LRRC4C: variants seen among roughly 807,000 people sequenced by gnomAD.
LRRC4C encodes leucine rich repeat containing 4C.
A neutral mutation model predicts 33.6 loss-of-function variants in LRRC4C; 5 were observed. The observed-to-expected ratio is 0.15, with a 90% CI of 0.08 to 0.31. The LOEUF (loss-of-function observed/expected upper bound fraction) is 0.31. Ranked by LOEUF, LRRC4C falls within the 10% of genes least tolerant of loss-of-function variation. The pLI is 1.00. For synonymous variants in LRRC4C, 329 were observed against 302.0 expected, an observed-to-expected ratio of 1.09 and a Z score of -0.93; for missense variants, 560 against 796.7, an observed-to-expected ratio of 0.70 and a Z score of 3.58.
intron 4 of LRRC4C, among the ~76,000 whole-genome samples, chr11:40,284,874 G>A (rs1042539567): frequency 1.3e-5 from 2 of 152,080 alleles, no homozygotes; most frequent in Non-Finnish European, 2.9e-5. Flanking sequence ...AGTTATAGAT[G>A]GAGTATTAAG....
rs543402689 is a variant in LRRC4C at position 40,221,554 on chromosome 11, C to T, written c.-96+19965G>A. 4.1e-4 allele frequency among the ~76,000 whole-genome samples: 63 copies of T among 152,178 alleles called. No individual in the cohort carries two copies. The Middle Eastern group carries it at 0.01, about 25-fold the overall frequency. On this transcript the variant is annotated intron_variant, in intron 5 of 6. Coordinates refer to ENST00000528697, the MANE Select transcript of LRRC4C (RefSeq NM_001258419.2). ...CTTATTTAGCCAGGTATAATACTAA[C>T]GGAGGAGACCATCCCTCATATTGTC...
At chr11:41,187,223 G>A (rs952142623) in intron 1 of LRRC4C, among the ~76,000 whole-genome samples, 1 of 152,158 alleles carries the variant, frequency 6.6e-6, no homozygotes, top group Non-Finnish European at 1.5e-5. Flanking sequence ...ATGCCCAAAT[G>A]TTGTATTTCC....
chr11:41,038,152 C>T (rs1025108820), intron 1 of LRRC4C, among the ~76,000 whole-genome samples: 1 of 152,192 alleles, frequency 6.6e-6, no homozygotes, highest in Non-Finnish European at 1.5e-5. Context: ...CAAGCCTCCT[C>T]AGGTGCGCCT....
intron 1 of LRRC4C, among the ~76,000 whole-genome samples, chr11:41,337,094 G>C (rs1187266424): frequency 1.3e-5 from 2 of 151,718 alleles, no homozygotes; most frequent in African/African-American, 4.8e-5. Context: ...ACCCAAGCTA[G>C]AGTTCAGCAG....
At chr11:40,996,831 A>G (rs1311090138) in intron 1 of LRRC4C, among the ~76,000 whole-genome samples, 1 of 152,108 alleles carries the variant, frequency 6.6e-6, no homozygotes, top group Non-Finnish European at 1.5e-5. Context: ...TCATAAACTA[A>G]TAGAGCAATA....
At chr11:40,711,290 C>G (rs1024576059) in intron 2 of LRRC4C, among the ~76,000 whole-genome samples, 1 of 152,148 alleles carries the variant, frequency 6.6e-6, no homozygotes, top group African/African-American at 2.4e-5. Context: ...ACACTGGGAG[C>G]TGCAGATGGG....
intron 3 of LRRC4C, among the ~76,000 whole-genome samples, chr11:40,392,180 A>G (rs929038620): frequency 1.3e-5 from 2 of 152,158 alleles, no homozygotes; most frequent in African/African-American, 2.4e-5. Context: ...GTTGGAACAA[A>G]GGGGAACACG....
chr11:41,405,218 A>T (rs1954184613), intron 1 of LRRC4C, among the ~76,000 whole-genome samples: 1 of 152,106 alleles, frequency 6.6e-6, no homozygotes, highest in African/African-American at 2.4e-5. Flanking sequence ...ATATTTTATC[A>T]CTGCTCTTGT....
Position 40,620,859 on chromosome 11 carries a change from G to A in LRRC4C, c.-270+27283C>T, listed in dbSNP as rs562730890. ...ACAATAATATCTGAATCTTTGCACT[G>A]TAAATGTATGAGGATATGGAGCAAT... On this transcript the variant is annotated intron_variant, in intron 3 of 6. Coordinates refer to ENST00000528697, the MANE Select transcript of LRRC4C (RefSeq NM_001258419.2). 4.6e-5 allele frequency among the ~76,000 whole-genome samples: 7 copies of A among 151,852 alleles called. No individual in the cohort carries two copies. In the South Asian group the frequency reaches 1.5e-3, roughly 32 times the overall value.
At chr11:40,706,844 T>G (rs1479135329) in intron 2 of LRRC4C, among the ~76,000 whole-genome samples, 1 of 152,234 alleles carries the variant, frequency 6.6e-6, no homozygotes, top group Admixed American at 6.5e-5. Context: ...TCCACGAGCA[T>G]GGAATGTTCT....
chr11:41,040,422 A>C (rs1857363047), intron 1 of LRRC4C, among the ~76,000 whole-genome samples: 1 of 152,190 alleles, frequency 6.6e-6, no homozygotes. Flanking sequence ...GTACACATGC[A>C]CAAAAGCAAA....
At chr11:41,231,762 AAT>A (rs35999521) in intron 1 of LRRC4C, among the ~76,000 whole-genome samples, 1 of 151,726 alleles carries the variant, frequency 6.6e-6, no homozygotes, top group South Asian at 2.1e-4. Flanking sequence ...CTTAAAGTAT[AAT>A]ATATATATGT....
intron 3 of LRRC4C, among the ~76,000 whole-genome samples, chr11:40,545,704 A>AT (rs796803141): frequency 2.0e-5 from 3 of 152,102 alleles, no homozygotes; most frequent in African/African-American, 7.2e-5. Context: ...TCCAAGAGCC[A>AT]TTTTTCATTG....
intron 1 of LRRC4C, among the ~76,000 whole-genome samples, chr11:40,936,065 T>TATAAAA (rs1555008817): frequency 1.8e-4 from 14 of 75,824 alleles, no homozygotes; most frequent in Admixed American, 4.6e-4. Flanking sequence ...TATATATATA[T>TATAAAA]AACATAGTTT....
chr11:40,352,365 G>A (rs1261175557), intron 3 of LRRC4C, among the ~76,000 whole-genome samples: 2 of 151,848 alleles, frequency 1.3e-5, no homozygotes, highest in Non-Finnish European at 2.9e-5. Flanking sequence ...AAACAAACAA[G>A]CAAAGAGAAA....
chr11:41,017,653 A>G (rs894068589), intron 1 of LRRC4C, among the ~76,000 whole-genome samples: 7 of 151,894 alleles, frequency 4.6e-5, no homozygotes, highest in African/African-American at 1.7e-4. Flanking sequence ...ATTATGTGCT[A>G]TATAATACTA....
intron 3 of LRRC4C, among the ~76,000 whole-genome samples, chr11:40,493,326 T>C (rs1221652789): frequency 1.3e-5 from 2 of 152,160 alleles, no homozygotes; most frequent in African/African-American, 4.8e-5. Context: ...TTCCAAAATA[T>C]ACCTGTGTAA....
intron 1 of LRRC4C, among the ~76,000 whole-genome samples, chr11:40,966,963 G>A (rs1015244068): frequency 6.6e-6 from 1 of 152,014 alleles, no homozygotes; most frequent in Non-Finnish European, 1.5e-5. Flanking sequence ...AGAGCCACAT[G>A]AGGTTGCACA....
chr11:40,832,556 C>T (rs1952466377), intron 2 of LRRC4C, among the ~76,000 whole-genome samples: 1 of 151,992 alleles, frequency 6.6e-6, no homozygotes, highest in Admixed American at 6.6e-5. Flanking sequence ...GCCTTGAGGA[C>T]ACCTACTTCA....
Sources: allele counts gnomAD v4.1 joint callset (sites outside exome capture counted in the v4.1 genomes callset), GRCh38; gene constraint gnomAD v4.1.1; transcripts MANE v1.5; gene names NCBI Gene and HGNC (gene_info 2026-07-23, HGNC 2026-07-21).